The following PLA2G4E variants were observed in gnomAD, a reference collection of about 807,000 sequenced individuals.
PLA2G4E encodes the protein cytosolic phospholipase A2 epsilon.
PLA2G4E carries 84 observed loss-of-function variants against 109.1 expected under a neutral mutation model. The ratio of observed to expected loss-of-function variants is 0.77; its 90% CI spans 0.65 to 0.92. The LOEUF is 0.92. Among genes scored for constraint, PLA2G4E ranks in the 40% least tolerant of loss-of-function variants. The probability of loss-of-function intolerance (pLI) is 0.00; values close to 1 mark genes in which losing one functional copy is unlikely to be tolerated. For missense variants in PLA2G4E, 1,057 were observed against 1,076.6 expected (o/e 0.98, Z 0.25); for synonymous variants, 469 against 436.1 (o/e 1.08, Z -0.94).
At chr15:42,020,846 C>T (rs1250226435) in intron 1 of PLA2G4E, among the ~76,000 whole-genome samples, 89 bp downstream of exon 1, 1 of 152,186 alleles carries the variant, frequency 6.6e-6, no homozygotes, top group Non-Finnish European at 1.5e-5. Flanking sequence ...GTCTCCTGCT[C>T]TCAGCTCCCT....
At chr15:41,983,477 G>T in exon 20 of PLA2G4E, 1 of 432,380 alleles carries the variant, frequency 2.3e-6, no homozygotes, top group Non-Finnish European at 4.1e-6. Flanking sequence ...CCTCTCCACA[G>T]ATGTGTGGGA....
chr15:41,985,845 C>T (rs1258848180), exon 18 of PLA2G4E: 8 of 1,610,214 alleles, frequency 5.0e-6, no homozygotes, highest in Non-Finnish European at 6.8e-6. Context: ...TTGCCTTTGT[C>T]TGGGACCCAG....
chr15:42,001,533 A>C (rs948747969), intron 6 of PLA2G4E, among the ~76,000 whole-genome samples: 4 of 152,176 alleles, frequency 2.6e-5, no homozygotes, highest in African/African-American at 9.7e-5. Flanking sequence ...CTGGGCTTTC[A>C]AAGTGAGGGC....
At chr15:42,028,549 G>A (rs1889061542) in intron 1 of PLA2G4E, among the ~76,000 whole-genome samples, 1 of 152,098 alleles carries the variant, frequency 6.6e-6, no homozygotes, top group Non-Finnish European at 1.5e-5. Flanking sequence ...TGGGATTACA[G>A]GAGTGAGCCA....
At position 42,050,668 on chromosome 15, in the gene PLA2G4E, CA is replaced by C; in HGVS notation, c.35del (p.Leu12ArgfsTer59). 6.4e-7 allele frequency: 1 copy of C among 1,550,536 alleles called. No homozygotes were observed. Among genetic ancestry groups the C allele is most frequent in the South Asian group, 1.2e-5 (1 of 84,040 alleles). On this transcript the variant is annotated frameshift_variant, in exon 1 of 20. Coordinates refer to ENST00000399518, the Ensembl canonical transcript of PLA2G4E. LOFTEE classifies it high-confidence loss of function. ...TCTGTGGGACAAACACATTAGTTCC[CA>C]GGCCAGGACAGCCTTCCGAGGCCTG...
At chr15:41,991,547 G>A (rs2068248583) in intron 13 of PLA2G4E, among the ~76,000 whole-genome samples, 1 of 152,066 alleles carries the variant, frequency 6.6e-6, no homozygotes, top group Non-Finnish European at 1.5e-5. Context: ...CAGAAGTGGC[G>A]AGGGCCTGGG....
exon 20 of PLA2G4E, chr15:41,983,948 C>T: frequency 6.2e-7 from 1 of 1,609,684 alleles, no homozygotes; most frequent in Admixed American, 1.7e-5. Context: ...TGGCCCTGCT[C>T]CAGCTCCTCA....
At chr15:42,047,564 T>C (rs1454096603) in intron 1 of PLA2G4E, among the ~76,000 whole-genome samples, 1 of 152,246 alleles carries the variant, frequency 6.6e-6, no homozygotes, top group Non-Finnish European at 1.5e-5. Flanking sequence ...TTCCAACACA[T>C]GACCTTTGGG....
At chr15:42,030,109 C>T (rs896185368) in intron 1 of PLA2G4E, among the ~76,000 whole-genome samples, 4 of 152,068 alleles carry the variant, frequency 2.6e-5, no homozygotes, top group African/African-American at 9.7e-5. Flanking sequence ...ACATTTTTCT[C>T]AGGTGAGGTG....
At chr15:42,014,811 T>C (rs570819099) in intron 1 of PLA2G4E, among the ~76,000 whole-genome samples, 16 of 152,308 alleles carry the variant, frequency 1.1e-4, no homozygotes, top group African/African-American at 3.9e-4. Flanking sequence ...TGGTCTGCGA[T>C]GACCTCTCTT....
In PLA2G4E at chr15:41,990,104, C is replaced by T. The variant is rs761885963; in HGVS notation, c.1585+17G>A. On this transcript the variant is annotated intron_variant, in intron 14 of 19. Coordinates refer to ENST00000399518, the Ensembl canonical transcript of PLA2G4E. ...CCCCCTCCACCCCACTTGTAAATCA[C>T]CAGCCACTGGTGTTACCTCTGAAGT... 6.2e-7 allele frequency: 1 copy of T among 1,603,182 alleles called. No homozygotes were observed. The highest frequency in any genetic ancestry group is 1.1e-5 in the South Asian group (1 of 90,562).
At chr15:42,005,908 T>TG in intron 4 of PLA2G4E, 82 bp downstream of exon 4, 1 of 1,504,496 alleles carries the variant, frequency 6.6e-7, no homozygotes, top group Non-Finnish European at 9.1e-7. Context: ...GAGAAGACCC[T>TG]GGGGAATGGC....
In PLA2G4E at chr15:42,041,285, A is replaced by C. The variant is rs567398989; in HGVS notation, c.183+9236T>G. 7.2e-5 allele frequency among the ~76,000 whole-genome samples: 11 copies of C among 151,774 alleles called. No individual in the cohort carries two copies. The South Asian group carries it at 2.3e-3, about 32-fold the overall frequency. On this transcript the variant is annotated intron_variant, in intron 1 of 19. Transcript: ENST00000399518. ...TGTTATTTGCCTGTTTGGTTTAATG[A>C]GGGATAGGGCTTAGAAGTGGTTGAT... is the stretch of plus-strand genomic sequence containing the variant.
At chr15:42,044,874 T>TG (rs1889385843) in intron 1 of PLA2G4E, among the ~76,000 whole-genome samples, 1 of 151,692 alleles carries the variant, frequency 6.6e-6, no homozygotes, top group Admixed American at 6.6e-5. Context: ...GAAGATGTGT[T>TG]GTAGTGGCTC....
chr15:42,037,030 C>T (rs1259650214), intron 1 of PLA2G4E, among the ~76,000 whole-genome samples: 1 of 152,232 alleles, frequency 6.6e-6, no homozygotes, highest in Non-Finnish European at 1.5e-5. Flanking sequence ...TATGCCAGCC[C>T]CCTGCCGCTT....
intron 2 of PLA2G4E, among the ~76,000 whole-genome samples, chr15:42,008,406 C>T (rs990363648): frequency 2.0e-5 from 3 of 152,202 alleles, no homozygotes; most frequent in Non-Finnish European, 4.4e-5. Context: ...GAGCAGGAAC[C>T]CCCATCTCCA....
intron 12 of PLA2G4E, 60 bp downstream of exon 12, chr15:41,995,300 C>G: frequency 5.7e-6 from 9 of 1,584,314 alleles, no homozygotes; most frequent in Non-Finnish European, 7.8e-6. Context: ...CCTGAGACCC[C>G]AGGCCAGCCT....
At chr15:42,025,507 GTC>G (rs1190808936) in intron 1 of PLA2G4E, among the ~76,000 whole-genome samples, 3 of 151,824 alleles carry the variant, frequency 2.0e-5, no homozygotes, top group Non-Finnish European at 2.9e-5. Context: ...CCCCACTGGA[GTC>G]TGCTTTTAGC....
chr15:42,027,261 A>G (rs543387337), intron 1 of PLA2G4E, among the ~76,000 whole-genome samples: 1 of 152,312 alleles, frequency 6.6e-6, no homozygotes, highest in South Asian at 2.1e-4. Context: ...ATATTCAAAT[A>G]AAATATGCAT....
Sources: allele counts gnomAD v4.1 joint callset (sites outside exome capture counted in the v4.1 genomes callset), GRCh38; gene constraint gnomAD v4.1.1; transcripts MANE v1.5; gene names NCBI Gene and HGNC (gene_info 2026-07-23, HGNC 2026-07-21).